The following WDFY4 variants were observed in gnomAD, a reference collection of about 807,000 sequenced individuals.
The protein encoded by WDFY4 is WDFY family member 4.
WDFY4 carries 169 observed loss-of-function variants against 351.9 expected under a neutral mutation model. The observed-to-expected ratio is 0.48, with a 90% CI of 0.42 to 0.55. The LOEUF (loss-of-function observed/expected upper bound fraction) is 0.55. WDFY4 is among the 20% of genes least tolerant of loss of function. The pLI is 0.00. For synonymous variants in WDFY4, 1,622 were observed against 1,574.6 expected (o/e 1.03, Z -0.71); for missense variants, 3,803 against 3,935.6 (o/e 0.97, Z 0.90).
At chr10:48,774,006 C>G (rs750902881) in intron 13 of WDFY4, among the ~76,000 whole-genome samples, 4 of 152,274 alleles carry the variant, frequency 2.6e-5, no homozygotes, top group Non-Finnish European at 4.4e-5. Context: ...ACCTTCCCCC[C>G]ACAGAGGTGC....
At chr10:48,726,595 G>C (rs1172710314) in intron 6 of WDFY4, among the ~76,000 whole-genome samples, 2 of 152,158 alleles carry the variant, frequency 1.3e-5, no homozygotes, top group Non-Finnish European at 2.9e-5. Flanking sequence ...AGCCAGGACT[G>C]GACTCCAGCT....
chr10:48,758,990 C>T (rs1000761009), intron 12 of WDFY4, among the ~76,000 whole-genome samples: 10 of 152,106 alleles, frequency 6.6e-5, no homozygotes, highest in Middle Eastern at 3.4e-3. Context: ...TGAATCTTAT[C>T]TTATGAACTC....
chr10:48,924,721 A>T (rs1839425175), intron 47 of WDFY4, among the ~76,000 whole-genome samples: 1 of 152,204 alleles, frequency 6.6e-6, no homozygotes, highest in South Asian at 2.1e-4. Flanking sequence ...GCATGGTGGG[A>T]TACCCCATGG....
At chr10:48,982,358 C>T in intron 61 of WDFY4, 151 bp from the exon 62 acceptor site, 1 of 574,028 alleles carries the variant, frequency 1.7e-6, no homozygotes, top group Non-Finnish European at 2.9e-6. Context: ...CTCCATTCCT[C>T]CCACTGCCTC....
intron 47 of WDFY4, among the ~76,000 whole-genome samples, chr10:48,938,032 T>C (rs1221391487): frequency 1.3e-5 from 2 of 152,338 alleles, no homozygotes; most frequent in East Asian, 3.9e-4. Flanking sequence ...TCCTGAGAAA[T>C]AGCCCACACG....
chr10:48,708,489 G>A (rs953015635), intron 1 of WDFY4, among the ~76,000 whole-genome samples: 8 of 152,190 alleles, frequency 5.3e-5, no homozygotes, highest in African/African-American at 1.9e-4. Flanking sequence ...TTCCTACGTG[G>A]TAATGTTGAG....
intron 1 of WDFY4, among the ~76,000 whole-genome samples, chr10:48,692,052 G>T (rs531913831): frequency 4.1e-4 from 63 of 152,352 alleles, no homozygotes; most frequent in African/African-American, 1.4e-3. Flanking sequence ...CCAGGATGGG[G>T]GGTGTGAGCC....
At chr10:48,966,344 C>A (rs1438992189) in intron 54 of WDFY4, among the ~76,000 whole-genome samples, 182 bp from the exon 55 acceptor site, 1 of 152,132 alleles carries the variant, frequency 6.6e-6, no homozygotes, top group East Asian at 1.9e-4. Flanking sequence ...CTCTGTGAGC[C>A]CCAGGCCCCT....
intron 43 of WDFY4, among the ~76,000 whole-genome samples, chr10:48,882,933 G>A (rs1037247049): frequency 7.9e-5 from 12 of 152,198 alleles, no homozygotes; most frequent in African/African-American, 2.9e-4. Flanking sequence ...AGCCCAGGGT[G>A]GCTACTCACT....
chr10:48,806,182 A>C, intron 27 of WDFY4, 87 bp downstream of exon 27: 1 of 1,385,756 alleles, frequency 7.2e-7, no homozygotes, highest in Non-Finnish European at 1.0e-6. Context: ...GGAGGGGCTA[A>C]GTAAGGAAGG....
At chr10:48,770,449 G>A (rs983888226) in intron 13 of WDFY4, among the ~76,000 whole-genome samples, 1 of 152,162 alleles carries the variant, frequency 6.6e-6, no homozygotes. Flanking sequence ...ACATTGTGAT[G>A]TTATTTTTGC....
At chr10:48,978,274 C>A (rs1369415393) in intron 59 of WDFY4, 35 bp from the exon 60 acceptor site, 2 of 1,544,172 alleles carry the variant, frequency 1.3e-6, no homozygotes, top group Admixed American at 2.0e-5. Flanking sequence ...ACAGGATCGT[C>A]TTCCCCGCCG....
At chr10:48,817,431 C>T (rs1306004779) in intron 32 of WDFY4, 22 bp downstream of exon 32, 3 of 1,538,356 alleles carry the variant, frequency 2.0e-6, no homozygotes, top group East Asian at 4.9e-5. Context: ...TGCTGTCCCA[C>T]CCAGAGAGAG....
intron 13 of WDFY4, 34 bp from the exon 14 acceptor site, chr10:48,774,424 T>C (rs1246196436): frequency 1.7e-5 from 27 of 1,549,718 alleles, no homozygotes; most frequent in Admixed American, 7.8e-5. Context: ...TGTTCTGCCC[T>C]GGAGGGCTCA....
rs2067990781 is a variant in WDFY4, at chr10:48,826,130, A to T, written c.5983-541A>T. ...TTTAATCCATCTTGAGTTAATTTTC[A>T]TATAAGGTATAACGAAGGGGTCCAG... is the stretch of plus-strand genomic sequence containing the variant. On this transcript the variant is annotated intron_variant, in intron 35 of 61. Coordinates refer to ENST00000325239, the MANE Select transcript of WDFY4 (RefSeq NM_001394531.1). 3.9e-5 allele frequency among the ~76,000 whole-genome samples: 6 copies of T among 152,252 alleles called. No individual in the cohort carries two copies. The South Asian group carries it at 1.2e-3, about 32-fold the overall frequency.
intron 1 of WDFY4, among the ~76,000 whole-genome samples, chr10:48,698,705 T>G (rs7918751): frequency 0.99 from 150,786 of 152,322 alleles, 74,654 homozygotes; most frequent in Middle Eastern, 1. Context: ...CATGCCAAGT[T>G]GTACTGGTTC....
chr10:48,688,470 T>C (rs2063112388), intron 1 of WDFY4, among the ~76,000 whole-genome samples: 1 of 152,194 alleles, frequency 6.6e-6, no homozygotes, highest in African/African-American at 2.4e-5. Context: ...CTCTAAAGTA[T>C]TTAAATACAA....
intron 14 of WDFY4, 91 bp from the exon 15 acceptor site, chr10:48,775,621 C>A (rs1164988286): frequency 2.4e-6 from 3 of 1,260,056 alleles, no homozygotes; most frequent in East Asian, 2.5e-5. Context: ...TCAGGGAGCT[C>A]CAGGCATCTA....
chr10:48,982,328 C>T (rs909617036), intron 61 of WDFY4, among the ~76,000 whole-genome samples, 181 bp from the exon 62 acceptor site: 1 of 152,022 alleles, frequency 6.6e-6, no homozygotes, highest in Non-Finnish European at 1.5e-5. Flanking sequence ...ATGCTTTCCC[C>T]TCCCCCAGGT....
Sources: allele counts gnomAD v4.1 joint callset (sites outside exome capture counted in the v4.1 genomes callset), GRCh38; gene constraint gnomAD v4.1.1; transcripts MANE v1.5; gene names NCBI Gene and HGNC (gene_info 2026-07-23, HGNC 2026-07-21).